Variants in COL21A1 observed in about 807,000 individuals in gnomAD.
COL21A1 encodes the protein collagen alpha-1(XXI) chain.
COL21A1 carries 149 observed loss-of-function variants against 137.9 expected under a neutral mutation model. The observed-to-expected ratio is 1.08, with a 90% CI of 0.95 to 1.24. The LOEUF (loss-of-function observed/expected upper bound fraction) is 1.24. Ranked by LOEUF, COL21A1 falls within the 50% of genes most tolerant of loss-of-function variation. The probability of loss-of-function intolerance (pLI) is 0.00; values close to 1 mark genes in which losing one functional copy is unlikely to be tolerated. For synonymous variants in COL21A1, 456 were observed against 391.5 expected (o/e 1.16, Z -1.95); for missense variants, 1,167 against 1,158.4 (o/e 1.01, Z -0.11).
chr6:56,133,708 C>A (rs1229166185), intron 12 of COL21A1, among the ~76,000 whole-genome samples: 1 of 152,188 alleles, frequency 6.6e-6, no homozygotes, highest in East Asian at 1.9e-4. Flanking sequence ...CCCCCTTGCT[C>A]TGTGCAGCCT....
chr6:56,276,487 G>T, intron 1 of COL21A1: 1 of 824,246 alleles, frequency 1.2e-6, no homozygotes, highest in South Asian at 1.8e-5. Flanking sequence ...TTCAGAGAGA[G>T]GGGGAACAAC....
chr6:56,162,877 A>G (rs1776292304), intron 9 of COL21A1, among the ~76,000 whole-genome samples: 1 of 152,256 alleles, frequency 6.6e-6, no homozygotes, highest in African/African-American at 2.4e-5. Flanking sequence ...CTAAAATAAT[A>G]GACGGTTACT....
At chr6:56,148,567 T>C (rs774604767) in intron 10 of COL21A1, among the ~76,000 whole-genome samples, 1 of 152,182 alleles carries the variant, frequency 6.6e-6, no homozygotes, top group Non-Finnish European at 1.5e-5. Context: ...AATTCTTTAA[T>C]CTTCATGGCA....
chr6:56,353,861 A>G (rs1765772073), intron 1 of COL21A1, among the ~76,000 whole-genome samples: 1 of 152,250 alleles, frequency 6.6e-6, no homozygotes, highest in Non-Finnish European at 1.5e-5. Flanking sequence ...AACAAAAAGT[A>G]GAACAAAAAA....
chr6:56,338,487 A>C (rs1765386825), intron 1 of COL21A1, among the ~76,000 whole-genome samples: 1 of 152,074 alleles, frequency 6.6e-6, no homozygotes, highest in Non-Finnish European at 1.5e-5. Context: ...TCTACCCCTC[A>C]GCATCTTGCT....
intron 17 of COL21A1, among the ~76,000 whole-genome samples, chr6:56,095,435 G>C (rs1226220888): frequency 6.6e-6 from 1 of 152,116 alleles, no homozygotes; most frequent in Non-Finnish European, 1.5e-5. Flanking sequence ...TCTCACTTTA[G>C]TTGTTACTAG....
Position 56,138,493 on chromosome 6 carries a change from A to G in COL21A1, c.1542+3292T>C, listed in dbSNP as rs551520405. Among the ~76,000 whole-genome samples the G allele has an allele frequency of 2.6e-5, 4 of 152,148 alleles. No individual in the cohort carries two copies. In the South Asian group the frequency reaches 8.3e-4, roughly 32 times the overall value. ...AAAGAGCCAACGAGAAAACATGAAA[A>G]GGTAACTAGTGGCAGCAAGGAGAAA... On this transcript the variant is annotated intron_variant, in intron 12 of 29. Transcript: ENST00000244728.
At chr6:56,165,746 G>A (rs1311201609) in intron 7 of COL21A1, among the ~76,000 whole-genome samples, 2 of 152,018 alleles carry the variant, frequency 1.3e-5, no homozygotes, top group Non-Finnish European at 2.9e-5. Context: ...CATTTGATGG[G>A]AAAAAAGAAG....
chr6:56,097,305 G>C lies in COL21A1; in HGVS notation c.1812+4167C>G, dbSNP rs185023486. Among the ~76,000 whole-genome samples the C allele has an allele frequency of 1.3e-3, 199 of 152,134 alleles. 2 individuals are homozygous for C. The highest frequency in any genetic ancestry group is 4.5e-3 in the African/African-American group (187 of 41,506). On this transcript the variant is annotated intron_variant, in intron 17 of 29. Coordinates refer to ENST00000244728, the MANE Select transcript of COL21A1 (RefSeq NM_030820.4). ...CCAGTTTTTTACCCACTAGATTTAGGAGAAAAAATTCATCTCAATAACGTC... is the reference window on the plus strand; with the variant it reads ...CCAGTTTTTTACCCACTAGATTTAGCAGAAAAAATTCATCTCAATAACGTC...
intron 12 of COL21A1, among the ~76,000 whole-genome samples, chr6:56,128,520 T>C (rs1412218305): frequency 6.6e-6 from 1 of 152,210 alleles, no homozygotes; most frequent in Admixed American, 6.5e-5. Flanking sequence ...GTTCTAGATG[T>C]CAGTAGACTT....
In COL21A1 at chr6:56,172,403, G is replaced by A. The variant is rs373870512; in HGVS notation, c.641-1275C>T. 1.6e-4 allele frequency among the ~76,000 whole-genome samples: 24 copies of A among 152,202 alleles called. No homozygotes were observed. The East Asian group carries it at 4.4e-3, about 28-fold the overall frequency. ...AGTGCTGAAAGGAAAGAAAAAACCTGCCAAACAAGAATGCTATGTCTGGCA... is the reference window on the plus strand; with the variant it reads ...AGTGCTGAAAGGAAAGAAAAAACCTACCAAACAAGAATGCTATGTCTGGCA... On this transcript the variant is annotated intron_variant, in intron 3 of 29. Transcript: ENST00000244728.
intron 1 of COL21A1, among the ~76,000 whole-genome samples, chr6:56,384,529 AC>A (rs2152352554): frequency 6.6e-6 from 1 of 152,366 alleles, no homozygotes; most frequent in African/African-American, 2.4e-5. Context: ...CATAATAAAA[AC>A]TTTTTCTAAG....
Position 56,231,815 on chromosome 6 carries a change from G to A in COL21A1, c.-39+15572C>T, listed in dbSNP as rs117450049. On this transcript the variant is annotated intron_variant, in intron 1 of 29. Coordinates refer to ENST00000244728, the MANE Select transcript of COL21A1 (RefSeq NM_030820.4). The stretch of plus-strand genomic sequence containing the variant: ...TTTAAAGAGCTCCAAAGACATATAC[G>A]GTAACATTCAGATCATTCTCTTTTC... Among the ~76,000 whole-genome samples the A allele has an allele frequency of 2.0e-3, 298 of 151,602 alleles. 3 individuals are homozygous for A. The East Asian group carries it at 0.047, about 24-fold the overall frequency.
chr6:56,268,399 C>A (rs1763444160), intron 1 of COL21A1, among the ~76,000 whole-genome samples: 1 of 152,144 alleles, frequency 6.6e-6, no homozygotes, highest in Admixed American at 6.5e-5. Context: ...CTCAAACCCC[C>A]ACTACAGAGC....
chr6:56,321,531 T>C (rs2152341414), intron 1 of COL21A1, among the ~76,000 whole-genome samples: 1 of 152,316 alleles, frequency 6.6e-6, no homozygotes, highest in Non-Finnish European at 1.5e-5. Context: ...TTTATGTTTA[T>C]TGCAGACCAT....
At chr6:56,222,739 A>T (rs1449350799) in intron 1 of COL21A1, among the ~76,000 whole-genome samples, 1 of 151,574 alleles carries the variant, frequency 6.6e-6, no homozygotes, top group African/African-American at 2.4e-5. Context: ...GTTATCAATC[A>T]GATATCTTTT....
intron 1 of COL21A1, among the ~76,000 whole-genome samples, chr6:56,227,128 T>G (rs899137071): frequency 2.0e-5 from 3 of 152,016 alleles, no homozygotes; most frequent in Non-Finnish European, 4.4e-5. Flanking sequence ...TCAGCGTCAC[T>G]GGGATGCTAC....
intron 1 of COL21A1, among the ~76,000 whole-genome samples, chr6:56,206,691 TAA>T (rs1491354496): frequency 0.018 from 415 of 22,534 alleles, no homozygotes; most frequent in South Asian, 0.034. Flanking sequence ...AATAAATAAA[TAA>T]ATAAATATAT....
At chr6:56,279,186 T>C (rs1240823268) in intron 1 of COL21A1, among the ~76,000 whole-genome samples, 6 of 152,094 alleles carry the variant, frequency 3.9e-5, no homozygotes, top group Non-Finnish European at 5.9e-5. Context: ...CCCACCTCAC[T>C]CTTGTTCTTG....
Sources: allele counts gnomAD v4.1 joint callset (sites outside exome capture counted in the v4.1 genomes callset), GRCh38; gene constraint gnomAD v4.1.1; transcripts MANE v1.5; gene names NCBI Gene and HGNC (gene_info 2026-07-23, HGNC 2026-07-21).